Variants in FANCL observed in about 807,000 individuals in gnomAD.
FANCL encodes the protein FA complementation group L, also known as E3 ubiquitin-protein ligase FANCL.
Under a neutral mutation model 59.4 loss-of-function variants are expected in FANCL, and 69 were observed. The ratio of observed to expected loss-of-function variants is 1.16; its 90% CI spans 0.96 to 1.42. The LOEUF (loss-of-function observed/expected upper bound fraction) is 1.42. Ranked by LOEUF, FANCL falls within the 40% of genes most tolerant of loss-of-function variation. The probability of loss-of-function intolerance (pLI) is 0.00; values close to 1 mark genes in which losing one functional copy is unlikely to be tolerated. For synonymous variants in FANCL, 180 were observed against 147.1 expected, an observed-to-expected ratio of 1.22 and a Z score of -1.62; for missense variants, 519 against 447.2, an observed-to-expected ratio of 1.16 and a Z score of -1.45.
chr2:58,191,756 T>C (rs747432322), intron 7 of FANCL, among the ~76,000 whole-genome samples: 59 of 151,766 alleles, frequency 3.9e-4, no homozygotes, highest in Admixed American at 7.2e-4. Context: ...ACTACTTCTT[T>C]GCCCATATTA....
At chr2:58,208,240 GA>G (rs1690786819) in intron 5 of FANCL, among the ~76,000 whole-genome samples, 1 of 152,046 alleles carries the variant, frequency 6.6e-6, no homozygotes, top group Non-Finnish European at 1.5e-5. Context: ...TAAGAATTAA[GA>G]TTTGTATTTA....
chr2:58,178,227 C>A (rs565182708), intron 7 of FANCL, among the ~76,000 whole-genome samples: 1 of 152,280 alleles, frequency 6.6e-6, no homozygotes, highest in South Asian at 2.1e-4. Context: ...CTCCCTAACT[C>A]ATTTTATGAG....
intron 5 of FANCL, among the ~76,000 whole-genome samples, chr2:58,204,700 G>C (rs1291571047): frequency 6.6e-6 from 1 of 151,954 alleles, no homozygotes; most frequent in Admixed American, 6.6e-5. Context: ...GCTGGTATTT[G>C]TTCATATACT....
intron 7 of FANCL, among the ~76,000 whole-genome samples, chr2:58,185,838 A>C (rs186125250): frequency 6.6e-6 from 1 of 152,326 alleles, no homozygotes; most frequent in African/African-American, 2.4e-5. Flanking sequence ...ATATAATTTT[A>C]GTCAAGGAGT....
intron 7 of FANCL, among the ~76,000 whole-genome samples, chr2:58,175,487 A>G (rs1313536818): frequency 6.6e-6 from 1 of 151,970 alleles, no homozygotes; most frequent in Non-Finnish European, 1.5e-5. Flanking sequence ...AATATACGCA[A>G]ATCAATAAAT....
At chr2:58,186,726 C>T (rs1045213569) in intron 7 of FANCL, among the ~76,000 whole-genome samples, 3 of 152,130 alleles carry the variant, frequency 2.0e-5, no homozygotes, top group Non-Finnish European at 4.4e-5. Flanking sequence ...CTTGGTCTTA[C>T]AGCATTAGAA....
At chr2:58,194,466 C>T (rs1040223710) in intron 7 of FANCL, among the ~76,000 whole-genome samples, 1 of 152,200 alleles carries the variant, frequency 6.6e-6, no homozygotes, top group South Asian at 2.1e-4. Flanking sequence ...ATGTTCTCAT[C>T]GTCTATGCTA....
At chr2:58,168,557 T>C (rs1233942446) in intron 7 of FANCL, among the ~76,000 whole-genome samples, 3 of 152,098 alleles carry the variant, frequency 2.0e-5, no homozygotes, top group Admixed American at 1.3e-4. Context: ...CAGGAGTTTT[T>C]TTTTTAATAC....
intron 8 of FANCL, 94 bp downstream of exon 8, chr2:58,165,630 A>G (rs1420053128): frequency 1.4e-6 from 2 of 1,475,536 alleles, no homozygotes; most frequent in African/African-American, 2.8e-5. Flanking sequence ...GACTTCATAT[A>G]AAGAAGTCTG....
chr2:58,204,046 G>C, intron 6 of FANCL, 84 bp downstream of exon 6: 1 of 1,006,792 alleles, frequency 9.9e-7, no homozygotes, highest in South Asian at 1.3e-5. Flanking sequence ...GATGTAACTA[G>C]CACTTCTTTA....
At chr2:58,229,416 A>T (rs748210226) in intron 3 of FANCL, among the ~76,000 whole-genome samples, 5 of 152,152 alleles carry the variant, frequency 3.3e-5, no homozygotes, top group Admixed American at 6.5e-5. Flanking sequence ...ACATGATCCT[A>T]AATTATTTCT....
In FANCL at chr2:58,160,515, T is replaced by C. The variant is rs181945748; in HGVS notation, c.1021-336A>G. 3.3e-3 allele frequency among the ~76,000 whole-genome samples: 501 copies of C among 152,140 alleles called. 2 individuals carry two copies. Among genetic ancestry groups the C allele is most frequent in the Non-Finnish European group, 5.0e-3 (340 of 67,920 alleles). ...ATGCATACTAAGTTCCTGGCATTCATAGACTTTCCCTAAATCCATTAATCA... is the reference window on the plus strand; with the variant it reads ...ATGCATACTAAGTTCCTGGCATTCACAGACTTTCCCTAAATCCATTAATCA... On this transcript the variant is annotated intron_variant, in intron 12 of 13. Coordinates refer to ENST00000233741, the MANE Select transcript of FANCL (RefSeq NM_018062.4).
At chr2:58,203,812 T>G (rs1390673407) in intron 6 of FANCL, among the ~76,000 whole-genome samples, 3 of 152,058 alleles carry the variant, frequency 2.0e-5, no homozygotes, top group Non-Finnish European at 4.4e-5. Flanking sequence ...ATAGTGGAAG[T>G]GTCCACTGTC....
intron 7 of FANCL, among the ~76,000 whole-genome samples, chr2:58,167,726 C>T (rs1353695690): frequency 1.3e-5 from 2 of 152,082 alleles, no homozygotes; most frequent in African/African-American, 2.4e-5. Context: ...AGCCATTATA[C>T]GATTTTACTA....
chr2:58,228,889 C>T lies in FANCL; in HGVS notation c.216+925G>A, dbSNP rs78881378. On this transcript the variant is annotated intron_variant, in intron 3 of 13. Coordinates refer to ENST00000233741, the MANE Select transcript of FANCL (RefSeq NM_018062.4). ...TTAGACTACATAAACCATTTTTTCC[C>T]ATGCTATTTCAATATGTCAACAGAT... 6.5e-3 allele frequency among the ~76,000 whole-genome samples: 982 copies of T among 152,126 alleles called. 13 individuals carry two copies. The highest frequency in any genetic ancestry group is 0.022 in the African/African-American group (895 of 41,534).
intron 5 of FANCL, among the ~76,000 whole-genome samples, chr2:58,216,599 T>C (rs1474827159): frequency 6.6e-6 from 1 of 152,200 alleles, no homozygotes; most frequent in Non-Finnish European, 1.5e-5. Context: ...CAATTCTGTA[T>C]TGAATCAGTT....
intron 7 of FANCL, among the ~76,000 whole-genome samples, chr2:58,173,418 T>C (rs1161038731): frequency 2.0e-5 from 3 of 152,196 alleles, no homozygotes; most frequent in African/African-American, 7.2e-5. Flanking sequence ...GGGAAGCCCA[T>C]CAGACTAACA....
chr2:58,182,655 T>C (rs971835115), intron 7 of FANCL, among the ~76,000 whole-genome samples: 2 of 151,772 alleles, frequency 1.3e-5, no homozygotes, highest in African/African-American at 4.8e-5. Context: ...ACAAAGTATA[T>C]GAGTCAAGCA....
At chr2:58,226,401 T>G (rs1309613963) in intron 4 of FANCL, among the ~76,000 whole-genome samples, 1 of 152,174 alleles carries the variant, frequency 6.6e-6, no homozygotes, top group Non-Finnish European at 1.5e-5. Flanking sequence ...ATATTATATC[T>G]TTAAGTAGGA....
Sources: allele counts gnomAD v4.1 joint callset (sites outside exome capture counted in the v4.1 genomes callset), GRCh38; gene constraint gnomAD v4.1.1; transcripts MANE v1.5; gene names NCBI Gene and HGNC (gene_info 2026-07-23, HGNC 2026-07-21).